RBFOX1: variants seen among roughly 807,000 people sequenced by gnomAD.
RBFOX1 encodes the protein RNA binding protein fox-1 homolog 1.
In RBFOX1, 8 loss-of-function variants were observed where a neutral mutation model predicts 57.7. The observed-to-expected ratio is 0.14, with a 90% CI of 0.08 to 0.25. The LOEUF is 0.25. RBFOX1 is among the 10% of genes least tolerant of loss of function. RBFOX1 has a pLI of 1.00. For synonymous variants in RBFOX1, 326 were observed against 222.4 expected (o/e 1.47, Z -4.15); for missense variants, 611 against 548.5 (o/e 1.11, Z -1.14).
intron 2 of RBFOX1, among the ~76,000 whole-genome samples, chr16:6,538,577 A>G (rs2096766885): frequency 6.6e-6 from 1 of 152,240 alleles, no homozygotes; most frequent in African/African-American, 2.4e-5. Context: ...AATAATAGTA[A>G]TAACAGAAGG....
chr16:7,621,525 G>C (rs544003475), intron 10 of RBFOX1, among the ~76,000 whole-genome samples: 1 of 152,256 alleles, frequency 6.6e-6, no homozygotes, highest in South Asian at 2.1e-4. Context: ...GCTTTCCAAA[G>C]TGCTGGGATT....
chr16:6,672,100 G>C (rs2098769056), intron 3 of RBFOX1, among the ~76,000 whole-genome samples: 1 of 152,162 alleles, frequency 6.6e-6, no homozygotes. Flanking sequence ...AAGACCGTAG[G>C]TCCATCTCAC....
intron 4 of RBFOX1, among the ~76,000 whole-genome samples, chr16:7,114,382 C>A (rs1456595500): frequency 1.3e-5 from 2 of 152,098 alleles, no homozygotes; most frequent in Non-Finnish European, 2.9e-5. Flanking sequence ...TAAATTTATA[C>A]CCCTGGGAAG....
chr16:6,897,166 G>A (rs770916269), intron 3 of RBFOX1, among the ~76,000 whole-genome samples: 1 of 152,210 alleles, frequency 6.6e-6, no homozygotes, highest in Non-Finnish European at 1.5e-5. Context: ...CACAGCGGCT[G>A]TAGAGTAGAG....
intron 3 of RBFOX1, among the ~76,000 whole-genome samples, chr16:6,724,785 G>C (rs972506814): frequency 1.3e-5 from 2 of 151,936 alleles, no homozygotes; most frequent in African/African-American, 4.8e-5. Flanking sequence ...GTGCAGGTTT[G>C]TTACATAAGT....
chr16:6,529,813 T>C (rs1478512735), intron 2 of RBFOX1, among the ~76,000 whole-genome samples: 1 of 152,134 alleles, frequency 6.6e-6, no homozygotes, highest in African/African-American at 2.4e-5. Flanking sequence ...TGTTGATATT[T>C]CTTTAACATT....
At chr16:6,891,227 A>T (rs1396371327) in intron 3 of RBFOX1, among the ~76,000 whole-genome samples, 1 of 152,236 alleles carries the variant, frequency 6.6e-6, no homozygotes, top group Non-Finnish European at 1.5e-5. Context: ...TACAAATTAT[A>T]GAATATGAAT....
intron 14 of RBFOX1, among the ~76,000 whole-genome samples, chr16:7,677,666 C>A (rs56342757): frequency 6.6e-6 from 1 of 152,156 alleles, no homozygotes; most frequent in East Asian, 1.9e-4. Context: ...GCTCTGTTTT[C>A]TGAGGACATA....
At chr16:6,744,802 A>T (rs1480378419) in intron 3 of RBFOX1, among the ~76,000 whole-genome samples, 2 of 152,124 alleles carry the variant, frequency 1.3e-5, no homozygotes, top group Non-Finnish European at 2.9e-5. Flanking sequence ...AAAGAAGGTG[A>T]ACTAAATTAA....
intron 4 of RBFOX1, among the ~76,000 whole-genome samples, chr16:7,197,456 A>C (rs1426757662): frequency 6.6e-6 from 1 of 151,888 alleles, no homozygotes; most frequent in South Asian, 2.1e-4. Flanking sequence ...AAAAAAAAAA[A>C]AAAAAACATC....
intron 3 of RBFOX1, among the ~76,000 whole-genome samples, chr16:5,798,781 G>A (rs761702052): frequency 3.9e-5 from 6 of 152,196 alleles, no homozygotes; most frequent in Non-Finnish European, 7.3e-5. Flanking sequence ...CAAAAATTAT[G>A]AACCAGGGGT....
intron 4 of RBFOX1, among the ~76,000 whole-genome samples, chr16:7,323,575 C>A (rs1241876959): frequency 6.6e-6 from 1 of 152,236 alleles, no homozygotes; most frequent in African/African-American, 2.4e-5. Context: ...ATGGGGATAG[C>A]TCTGTGTTTG....
At chr16:6,975,386 C>G (rs1253842016) in intron 3 of RBFOX1, among the ~76,000 whole-genome samples, 3 of 152,148 alleles carry the variant, frequency 2.0e-5, no homozygotes, top group Non-Finnish European at 4.4e-5. Flanking sequence ...CTGCCTCAGC[C>G]TCCCAAGTAG....
intron 9 of RBFOX1, among the ~76,000 whole-genome samples, chr16:7,603,732 G>A (rs2095158377): frequency 6.6e-6 from 1 of 152,094 alleles, no homozygotes; most frequent in South Asian, 2.1e-4. Context: ...ACGGGGAAAG[G>A]GAAAAAGGGA....
intron 4 of RBFOX1, among the ~76,000 whole-genome samples, chr16:5,922,996 TC>T (rs1335880603): frequency 5.3e-5 from 8 of 152,168 alleles, no homozygotes; most frequent in Non-Finnish European, 4.4e-5. Flanking sequence ...AGAGAAAGCC[TC>T]AGCCAGGTGT....
chr16:6,180,939 C>G (rs1213450603), intron 1 of RBFOX1, among the ~76,000 whole-genome samples: 1 of 152,136 alleles, frequency 6.6e-6, no homozygotes, highest in Non-Finnish European at 1.5e-5. Context: ...CAAAAATCAG[C>G]TAAGATTGTG....
intron 2 of RBFOX1, among the ~76,000 whole-genome samples, chr16:5,546,266 C>A (rs985236657): frequency 5.9e-5 from 9 of 152,122 alleles, no homozygotes; most frequent in Non-Finnish European, 1.3e-4. Context: ...AGAGTCAATG[C>A]AGTCCAAACC....
chr16:6,035,227 G>T (rs1460377637), intron 1 of RBFOX1, among the ~76,000 whole-genome samples: 1 of 152,174 alleles, frequency 6.6e-6, no homozygotes, highest in Non-Finnish European at 1.5e-5. Flanking sequence ...TATGCCGTGG[G>T]CATCTGTAGC....
At chr16:6,973,818 T>C (rs952681968) in intron 3 of RBFOX1, among the ~76,000 whole-genome samples, 3 of 152,124 alleles carry the variant, frequency 2.0e-5, no homozygotes, top group African/African-American at 4.8e-5. Flanking sequence ...GTGCAGGATG[T>C]GTAGGTTTGT....
Sources: allele counts gnomAD v4.1 joint callset (sites outside exome capture counted in the v4.1 genomes callset), GRCh38; gene constraint gnomAD v4.1.1; transcripts MANE v1.5; gene names NCBI Gene and HGNC (gene_info 2026-07-23, HGNC 2026-07-21).